The following PDLIM3 variants were observed in gnomAD, a reference collection of about 807,000 sequenced individuals.
The protein encoded by PDLIM3 is PDZ and LIM domain protein 3.
A neutral mutation model predicts 37.3 loss-of-function variants in PDLIM3; 36 were observed. The observed-to-expected ratio is 0.97, with a 90% CI of 0.74 to 1.28. The LOEUF (loss-of-function observed/expected upper bound fraction) is 1.28, where lower values mean the gene tolerates loss of function less well. Ranked by LOEUF, PDLIM3 falls within the 50% of genes most tolerant of loss-of-function variation. The pLI is 0.00. For synonymous variants in PDLIM3, 174 were observed against 182.4 expected (o/e 0.95, Z 0.37); for missense variants, 454 against 485.0 (o/e 0.94, Z 0.60).
Position 185,514,913 on chromosome 4 carries a change from C to T in PDLIM3, c.331-576G>A. On this transcript the variant is annotated intron_variant, in intron 3 of 7. Transcript: ENST00000284767. This position sits in a 1 kb window ranked among gnomAD's most constrained non-coding sequence, Gnocchi z 4.0. The stretch of plus-strand genomic sequence containing the variant: ...TTCCTGTACAATGGCAGACAAAATA[C>T]ACAGCCACACAGCGCACAAGAAAGC... 2 of 1,534,432 alleles carry T rather than the reference C, an allele frequency of 1.3e-6. No homozygotes were observed. Among genetic ancestry groups the T allele is most frequent in the Non-Finnish European group, 1.8e-6 (2 of 1,136,568 alleles).
chr4:185,511,900 A>G (rs1340359713), intron 4 of PDLIM3, among the ~76,000 whole-genome samples: 2 of 152,162 alleles, frequency 1.3e-5, no homozygotes, highest in African/African-American at 4.8e-5. Context: ...AACATGTACA[A>G]GTAGAATGCA....
At chr4:185,531,864 G>A (rs1468904696) in intron 1 of PDLIM3, among the ~76,000 whole-genome samples, 4 of 149,728 alleles carry the variant, frequency 2.7e-5, no homozygotes, top group African/African-American at 7.4e-5. Flanking sequence ...TGAGGTGGGC[G>A]GATCGCCTGA....
rs2095686001 is a variant in PDLIM3, at chr4:185,500,677, G to C, written c.*1617C>G. 6.6e-6 allele frequency: 1 copy of C among 152,118 alleles called. No homozygotes were observed. Among genetic ancestry groups the C allele is most frequent in the Non-Finnish European group, 1.5e-5 (1 of 68,010 alleles). 9.4% of individuals were successfully genotyped at this position (152,118 alleles called of 1,614,324 possible). A position where few individuals can be genotyped will look rare whatever the true frequency, so the allele number is the denominator to read the frequency against. On this transcript the variant is annotated 3_prime_UTR_variant, in exon 8 of 8. Transcript: ENST00000284767. ...TACATTCATTTCTTTGATCTCAAAA[G>C]TCTGTTTTATTTTTTTAATAGCTTT... is the stretch of plus-strand genomic sequence containing the variant.
chr4:185,514,382 A>G lies in PDLIM3; in HGVS notation c.331-45T>C. ...AAAAGGCCCTCAGTGGAAGGCGGACACTGTTGCAGATAAGATTAAACGAAC... is the reference window on the plus strand; with the variant it reads ...AAAAGGCCCTCAGTGGAAGGCGGACGCTGTTGCAGATAAGATTAAACGAAC... On this transcript the variant is annotated intron_variant, in intron 3 of 7. Coordinates refer to ENST00000284767, the MANE Select transcript of PDLIM3 (RefSeq NM_014476.6). This position sits in a 1 kb window ranked among gnomAD's most constrained non-coding sequence, Gnocchi z 4.0. 2 of 1,614,150 alleles carry G rather than the reference A, an allele frequency of 1.2e-6. No individual in the cohort carries two copies. Among genetic ancestry groups the G allele is most frequent in the Non-Finnish European group, 1.7e-6 (2 of 1,180,024 alleles).
rs751837590 is a variant in PDLIM3, at chr4:185,535,421, A to G, written c.14T>C (p.Val5Ala). 33 of 1,600,012 alleles carry G rather than the reference A, an allele frequency of 2.1e-5. No homozygotes were observed. In the East Asian group the frequency reaches 5.9e-4, roughly 29 times the overall value. The change falls in exon 1 of 8, where the codon GTG becomes GCG. Residue 5 changes from valine (V) to alanine (A), a missense_variant. Coordinates refer to ENST00000284767, the MANE Select transcript of PDLIM3 (RefSeq NM_014476.6). Reference protein sequence around the residue: MPQTVILPGPAPWGF... With the variant: MPQTAILPGPAPWGF... ...CCAGGGCGCAGGGCCCGGGAGGATC[A>G]CCGTCTGGGGCATGCCGCCTTCCTC...
intron 3 of PDLIM3, among the ~76,000 whole-genome samples, chr4:185,519,611 A>C (rs1290703354): frequency 6.6e-6 from 1 of 152,200 alleles, no homozygotes; most frequent in Non-Finnish European, 1.5e-5. Flanking sequence ...TAGATATTAA[A>C]ATTTTATATC....
chr4:185,513,737 A>G, intron 4 of PDLIM3: 1 of 1,015,850 alleles, frequency 9.8e-7, no homozygotes, highest in Non-Finnish European at 1.2e-6. Flanking sequence ...CTGATTTGGC[A>G]ATACAGGGCA....
intron 4 of PDLIM3, among the ~76,000 whole-genome samples, chr4:185,511,222 A>AC (rs1010827810): frequency 2.0e-5 from 3 of 152,210 alleles, no homozygotes; most frequent in African/African-American, 7.2e-5. Context: ...TTGTAGCTTT[A>AC]CCCTTAAAAA....
At chr4:185,532,219 G>T (rs1266702605) in intron 1 of PDLIM3, among the ~76,000 whole-genome samples, 2 of 152,132 alleles carry the variant, frequency 1.3e-5, no homozygotes, top group Non-Finnish European at 1.5e-5. Flanking sequence ...TGTAAAAAGG[G>T]AACAATCTAG....
At chr4:185,506,909 CTA>C (rs1417664191) in intron 5 of PDLIM3, 1 of 430,966 alleles carries the variant, frequency 2.3e-6, no homozygotes, top group Non-Finnish European at 4.3e-6. Context: ...TGGAAGGAAA[CTA>C]AAAGATAATT....
intron 3 of PDLIM3, chr4:185,517,349 T>G (rs1161868491): frequency 7.1e-5 from 8 of 112,816 alleles, no homozygotes; most frequent in African/African-American, 5.7e-4. Flanking sequence ...GAGCTTAGCT[T>G]TTTTTTTTTT....
intron 5 of PDLIM3, 53 bp downstream of exon 5, chr4:185,508,246 C>T: frequency 6.4e-7 from 1 of 1,558,492 alleles, no homozygotes; most frequent in South Asian, 1.1e-5. Flanking sequence ...GTAAAGCTGA[C>T]ATTGCCCACG....
At chr4:185,524,298 G>A (rs4314327) in intron 2 of PDLIM3, among the ~76,000 whole-genome samples, 106,117 of 152,176 alleles carry the variant, frequency 0.7, 41,610 homozygotes, top group Non-Finnish European at 0.87. Flanking sequence ...CCAAGGAAAC[G>A]GCAGATTGGT....
At chr4:185,518,471 T>C (rs1355973117) in intron 3 of PDLIM3, among the ~76,000 whole-genome samples, 1 of 151,908 alleles carries the variant, frequency 6.6e-6, no homozygotes, top group African/African-American at 2.4e-5. Context: ...ATATAATATG[T>C]ATACATATGT....
rs1270118734 is a variant in PDLIM3, at chr4:185,522,804, C to T, written c.330+558G>A. Reference sequence around the variant, plus strand: ...TATTACAGTTGCCTCCAGAGAAAATCCTTTATCTTTTATAATTCAGCTGTA... The same window carrying T: ...TATTACAGTTGCCTCCAGAGAAAATTCTTTATCTTTTATAATTCAGCTGTA... On this transcript the variant is annotated intron_variant, in intron 3 of 7. Coordinates refer to ENST00000284767, the MANE Select transcript of PDLIM3 (RefSeq NM_014476.6). Among the ~76,000 whole-genome samples, 2 of 57,590 alleles carry T rather than the reference C, an allele frequency of 3.5e-5. 1 individual carries two copies. The highest frequency in any genetic ancestry group is 6.0e-5 in the African/African-American group (2 of 33,102). The allele number at this position is 57,590 out of a possible 152,430, so 37.8% of individuals were successfully genotyped here. A position where few individuals can be genotyped will look rare whatever the true frequency, so the allele number is the denominator to read the frequency against.
intron 4 of PDLIM3, among the ~76,000 whole-genome samples, chr4:185,511,716 G>A (rs758125249): frequency 4.6e-5 from 7 of 152,070 alleles, no homozygotes; most frequent in Non-Finnish European, 8.8e-5. Context: ...GTAGTTACAG[G>A]GTGACTATAG....
At chr4:185,525,582 T>C (rs1561202376) in intron 1 of PDLIM3, among the ~76,000 whole-genome samples, 3 of 152,228 alleles carry the variant, frequency 2.0e-5, no homozygotes, top group Non-Finnish European at 4.4e-5. Context: ...CAATCCTTAC[T>C]ATTTATCATC....
chr4:185,508,695 T>C, intron 4 of PDLIM3, 133 bp from the exon 5 acceptor site: 1 of 823,036 alleles, frequency 1.2e-6, no homozygotes, highest in South Asian at 1.5e-5. Flanking sequence ...TACATCAAAA[T>C]AAAACCAAAT....
chr4:185,501,317 A>G lies in PDLIM3; in HGVS notation c.*977T>C, dbSNP rs2095686776. 6.6e-6 allele frequency: 1 copy of G among 152,234 alleles called. No individual in the cohort carries two copies. The highest frequency in any genetic ancestry group is 2.1e-4 in the South Asian group (1 of 4,826). The allele number at this position is 152,234 out of a possible 1,614,324, so 9.4% of individuals were successfully genotyped here. Reference sequence around the variant, plus strand: ...GTGAAACCAAGGATTTCAACAGTGGATACAAGCAGGACCCCAGGAGACCAG... The same window carrying G: ...GTGAAACCAAGGATTTCAACAGTGGGTACAAGCAGGACCCCAGGAGACCAG... On this transcript the variant is annotated 3_prime_UTR_variant, in exon 8 of 8. Coordinates refer to ENST00000284767, the MANE Select transcript of PDLIM3 (RefSeq NM_014476.6).
Sources: gnomAD v4.1 joint callset for allele counts (sites outside exome capture counted in the v4.1 genomes callset) on GRCh38, gnomAD v4.1.1 for gene constraint, Gnocchi (gnomAD v3.1) non-coding constraint, MANE v1.5 for transcripts, NCBI Gene and HGNC (gene_info 2026-07-23, HGNC 2026-07-21) for gene names.